RORA: variants seen among roughly 807,000 people sequenced by gnomAD.
RORA encodes the protein nuclear receptor ROR-alpha.
Under a neutral mutation model 69.5 loss-of-function variants are expected in RORA, and 7 were observed. That is an observed-to-expected ratio of 0.10 (90% CI 0.06 to 0.19). The LOEUF is 0.19. RORA is among the 10% of genes least tolerant of loss of function. The pLI is 1.00. For synonymous variants in RORA, 261 were observed against 240.8 expected (o/e 1.08, Z -0.78); for missense variants, 457 against 663.0 (o/e 0.69, Z 3.41).
intron 2 of RORA, among the ~76,000 whole-genome samples, chr15:60,562,192 C>T (rs1050361219): frequency 6.6e-6 from 1 of 152,120 alleles, no homozygotes; most frequent in Non-Finnish European, 1.5e-5. Flanking sequence ...GCCTTGACCT[C>T]CCAAAGTGCT....
At chr15:60,662,593 A>G (rs2070319989) in intron 2 of RORA, among the ~76,000 whole-genome samples, 1 of 152,130 alleles carries the variant, frequency 6.6e-6, no homozygotes, top group Admixed American at 6.5e-5. Flanking sequence ...ATGATTTATA[A>G]TGCATGCTTC....
intron 1 of RORA, among the ~76,000 whole-genome samples, chr15:61,146,482 ACG>A (rs138752250): frequency 6.8e-6 from 1 of 146,546 alleles, no homozygotes; most frequent in South Asian, 2.2e-4. Context: ...ACACACACAC[ACG>A]CACACACAGC....
intron 1 of RORA, among the ~76,000 whole-genome samples, chr15:61,001,966 C>T (rs1296329878): frequency 6.6e-6 from 1 of 152,218 alleles, no homozygotes; most frequent in East Asian, 1.9e-4. Context: ...AGACAGCCAA[C>T]TTCAAACAGA....
intron 1 of RORA, among the ~76,000 whole-genome samples, chr15:61,012,837 A>T (rs1030283345): frequency 1.6e-4 from 24 of 152,086 alleles, no homozygotes; most frequent in Admixed American, 1.6e-3. Context: ...TTTTGTAGAG[A>T]TGGAGTTTCA....
chr15:60,983,975 T>C (rs1363842380), intron 1 of RORA, among the ~76,000 whole-genome samples: 2 of 152,232 alleles, frequency 1.3e-5, no homozygotes, highest in Non-Finnish European at 2.9e-5. Flanking sequence ...GCAGAATTCA[T>C]AATTTTTGAT....
At position 60,844,623 on chromosome 15, in the gene RORA, T is replaced by C. The variant is rs111272306; in HGVS notation, c.167-165937A>G. ...AGCAGCAAAGAAGATAAGATCACCATACTGCAAAGGAAGGTAAGCCACGTG... is the reference window on the plus strand; with the variant it reads ...AGCAGCAAAGAAGATAAGATCACCACACTGCAAAGGAAGGTAAGCCACGTG... On this transcript the variant is annotated intron_variant, in intron 1 of 10. Coordinates refer to ENST00000335670, the MANE Select transcript of RORA (RefSeq NM_134261.3). Among the ~76,000 whole-genome samples, 358 of 152,270 alleles carry C rather than the reference T, an allele frequency of 2.4e-3. 2 individuals are homozygous for C. The highest frequency in any genetic ancestry group is 0.01 in the Middle Eastern group (3 of 294).
intron 1 of RORA, among the ~76,000 whole-genome samples, chr15:60,877,371 G>C (rs7174993): frequency 0.44 from 66,759 of 151,990 alleles, 15,636 homozygotes; most frequent in Non-Finnish European, 0.53. Context: ...CATAGTGCCC[G>C]CTATTTTATA....
At chr15:60,984,557 T>C (rs1894140457) in intron 1 of RORA, among the ~76,000 whole-genome samples, 1 of 152,012 alleles carries the variant, frequency 6.6e-6, no homozygotes, top group Non-Finnish European at 1.5e-5. Context: ...ATTTACACAA[T>C]ATAGGAGGTA....
At chr15:60,679,115 G>A (rs56955241) in intron 1 of RORA, among the ~76,000 whole-genome samples, 8,092 of 151,848 alleles carry the variant, frequency 0.053, 621 homozygotes, top group African/African-American at 0.17. Context: ...TTGGTTCTGT[G>A]TTTACTCTTT....
intron 1 of RORA, among the ~76,000 whole-genome samples, chr15:60,732,676 C>T (rs929483687): frequency 2.6e-5 from 4 of 151,958 alleles, no homozygotes; most frequent in African/African-American, 9.7e-5. Flanking sequence ...ACATATCCAC[C>T]CGTGGACAAA....
intron 1 of RORA, among the ~76,000 whole-genome samples, chr15:61,058,956 G>A (rs568870790): frequency 3.9e-4 from 60 of 152,304 alleles, no homozygotes; most frequent in East Asian, 1.9e-4. Flanking sequence ...GTGAATTTAC[G>A]GTGATAAAGC....
chr15:60,714,446 C>T (rs1159636032), intron 1 of RORA, among the ~76,000 whole-genome samples: 1 of 151,820 alleles, frequency 6.6e-6, no homozygotes, highest in Non-Finnish European at 1.5e-5. Flanking sequence ...CTCACTGCAA[C>T]CTCAACCTCC....
intron 1 of RORA, among the ~76,000 whole-genome samples, chr15:60,761,434 A>G (rs1385434156): frequency 1.3e-5 from 2 of 152,160 alleles, no homozygotes; most frequent in East Asian, 3.8e-4. Flanking sequence ...AACATCAATT[A>G]TCTTATGGTA....
chr15:61,176,761 T>A, intron 1 of RORA, among the ~76,000 whole-genome samples: 1 of 152,352 alleles, frequency 6.6e-6, no homozygotes, highest in South Asian at 2.1e-4. Flanking sequence ...ATGACACATA[T>A]AATGTGCCTA....
chr15:60,490,896 T>TA lies in RORA; in HGVS notation c.*6558dup, dbSNP rs1388873502. 6.6e-6 allele frequency: 1 copy of TA among 152,170 alleles called. No homozygotes were observed. Among genetic ancestry groups the TA allele is most frequent in the Non-Finnish European group, 1.5e-5 (1 of 68,008 alleles). The allele number at this position is 152,170 out of a possible 1,614,324, so 9.4% of individuals were successfully genotyped here. ...CTGGGGTTTGTCATATGTTAAATAT[T>TA]ATTTAAAGTGGGAAAATATGTTGTA... On this transcript the variant is annotated 3_prime_UTR_variant, in exon 11 of 11. Coordinates refer to ENST00000335670, the MANE Select transcript of RORA (RefSeq NM_134261.3). The surrounding 1 kb of genome is among the most constrained non-coding windows in gnomAD (Gnocchi z 4.1).
Position 60,975,365 on chromosome 15 carries a change from G to C in RORA, c.166+253688C>G, listed in dbSNP as rs147529107. Among the ~76,000 whole-genome samples, 7 of 152,262 alleles carry C rather than the reference G, an allele frequency of 4.6e-5. 1 individual carries two copies. In the East Asian group the frequency reaches 1.4e-3, roughly 29 times the overall value. On this transcript the variant is annotated intron_variant, in intron 1 of 10. Coordinates refer to ENST00000335670, the MANE Select transcript of RORA (RefSeq NM_134261.3). The stretch of plus-strand genomic sequence containing the variant: ...GTGCCTGATTCTAGGAAGGTGTCCC[G>C]GTCTGCCAAGTTCCTTCCCAGGCTG...
Position 60,873,122 on chromosome 15 carries a change from C to T in RORA, c.167-194436G>A, listed in dbSNP as rs532060306. 2.0e-4 allele frequency among the ~76,000 whole-genome samples: 31 copies of T among 152,160 alleles called. 1 individual carries two copies. The highest frequency in any genetic ancestry group is 7.5e-4 in the African/African-American group (31 of 41,498). On this transcript the variant is annotated intron_variant, in intron 1 of 10. Coordinates refer to ENST00000335670, the MANE Select transcript of RORA (RefSeq NM_134261.3). ...AGCTGGTGCCCAGAGCCTCTTGTGC[C>T]CAGAATTTCCCCTCACTCATGATTA...
At chr15:61,028,968 A>G (rs1895985876) in intron 1 of RORA, among the ~76,000 whole-genome samples, 1 of 152,026 alleles carries the variant, frequency 6.6e-6, no homozygotes, top group African/African-American at 2.4e-5. Context: ...GCTAGTGGGT[A>G]TGATGGGGAG....
chr15:61,026,416 T>A (rs1895815922), intron 1 of RORA, among the ~76,000 whole-genome samples: 1 of 152,234 alleles, frequency 6.6e-6, no homozygotes, highest in African/African-American at 2.4e-5. Flanking sequence ...GCCATTCTGT[T>A]CACTTTTTAT....
Sources: allele counts gnomAD v4.1 joint callset (sites outside exome capture counted in the v4.1 genomes callset), GRCh38; gene constraint gnomAD v4.1.1; non-coding constraint Gnocchi (gnomAD v3.1); transcripts MANE v1.5; gene names NCBI Gene and HGNC (gene_info 2026-07-23, HGNC 2026-07-21).